The following MORN3 variants were observed in gnomAD, a reference collection of about 807,000 sequenced individuals.
The protein encoded by MORN3 is MORN repeat containing 3.
Under a neutral mutation model 34.7 loss-of-function variants are expected in MORN3, and 38 were observed. The observed-to-expected ratio is 1.10, with a 90% CI of 0.85 to 1.44. The LOEUF is 1.44. Ranked by LOEUF, MORN3 falls within the 40% of genes most tolerant of loss-of-function variation. The probability of loss-of-function intolerance (pLI) is 0.00; values close to 1 mark genes in which losing one functional copy is unlikely to be tolerated. For missense variants in MORN3, 311 were observed against 321.7 expected (o/e 0.97, Z 0.25); for synonymous variants, 109 against 115.3 (o/e 0.95, Z 0.35).
At chr12:121,670,956 C>A (rs1333878826), upstream of MORN3, among the ~76,000 whole-genome samples, 1 of 149,842 alleles carries the variant, frequency 6.7e-6, no homozygotes, top group East Asian at 2.0e-4. Context: ...ACTAAAAATA[C>A]AAAAATTAGC....
intron 1 of MORN3, among the ~76,000 whole-genome samples, chr12:121,666,901 C>A (rs1233513512): frequency 1.3e-5 from 2 of 151,238 alleles, no homozygotes; most frequent in African/African-American, 4.9e-5. Flanking sequence ...CTTACCATGG[C>A]TGACAGGGTC....
chr12:121,655,098 C>T (rs1194372495), intron 2 of MORN3, among the ~76,000 whole-genome samples: 1 of 151,636 alleles, frequency 6.6e-6, no homozygotes, highest in Non-Finnish European at 1.5e-5. Flanking sequence ...GGCTCACCGG[C>T]TCACTTTAGG....
At chr12:121,664,690 G>GTGATTGGCTAGCCAATACAT (rs1028600451) in intron 1 of MORN3, among the ~76,000 whole-genome samples, 3 of 152,034 alleles carry the variant, frequency 2.0e-5, no homozygotes, top group Admixed American at 1.3e-4. Context: ...GAGCAACAGA[G>GTGATTGGCTAGCCAATACAT]TGATTGGCTA....
intron 1 of MORN3, among the ~76,000 whole-genome samples, chr12:121,660,445 G>T (rs1251067521): frequency 7.2e-6 from 1 of 138,796 alleles, no homozygotes; most frequent in Non-Finnish European, 1.5e-5. Flanking sequence ...TCCGCCTCCT[G>T]GTTCAAGAGA....
At position 121,651,940 on chromosome 12, in the gene MORN3, A is replaced by ATTTG. The variant is rs781837028; in HGVS notation, c.*7-300_*7-297dup. 1.1e-3 allele frequency among the ~76,000 whole-genome samples: 161 copies of ATTTG among 151,728 alleles called. 1 individual carries two copies. In the East Asian group the frequency reaches 0.029, roughly 27 times the overall value. On this transcript the variant is annotated intron_variant, in intron 5 of 5. Transcript: ENST00000355329. ...AGTGAAATGGTTTGTTTGTTTGTTTATTTGTTTGTTTGTTTGTTTTTTGAG... is the reference window on the plus strand; with the variant it reads ...AGTGAAATGGTTTGTTTGTTTGTTTATTTGTTTGTTTGTTTGTTTGTTTTTTGAG...
At chr12:121,671,139 GGC>G (rs1893954889), upstream of MORN3, among the ~76,000 whole-genome samples, 1 of 149,534 alleles carries the variant, frequency 6.7e-6, no homozygotes, top group South Asian at 2.1e-4. Context: ...TGGGCGCGGT[GGC>G]TCACGCCTGT....
intron 2 of MORN3, among the ~76,000 whole-genome samples, chr12:121,657,321 T>C (rs2136871164): frequency 6.6e-6 from 1 of 152,328 alleles, no homozygotes; most frequent in South Asian, 2.1e-4. Context: ...AAACTGCTCC[T>C]AAGATCAATG....
chr12:121,656,986 C>T (rs886330939), intron 2 of MORN3, among the ~76,000 whole-genome samples: 3 of 152,168 alleles, frequency 2.0e-5, no homozygotes, highest in Non-Finnish European at 4.4e-5. Context: ...CTGGGCTCTA[C>T]CACTTGCTAG....
chr12:121,670,709 T>C (rs1232321171), upstream of MORN3, among the ~76,000 whole-genome samples: 1 of 151,878 alleles, frequency 6.6e-6, no homozygotes, highest in Non-Finnish European at 1.5e-5. Flanking sequence ...CTCAGGAGGC[T>C]GAGGCATGAG....
intron 1 of MORN3, among the ~76,000 whole-genome samples, chr12:121,665,541 G>T (rs1893726186): frequency 6.6e-6 from 1 of 151,266 alleles, no homozygotes; most frequent in African/African-American, 2.4e-5. Context: ...GCTGAGGCGG[G>T]CGGATCACGA....
chr12:121,671,441 C>T (rs528364086), upstream of MORN3, among the ~76,000 whole-genome samples: 32 of 150,618 alleles, frequency 2.1e-4, no homozygotes, highest in African/African-American at 7.6e-4. Context: ...GGAGACTTTA[C>T]GTATCATTAT....
chr12:121,663,379 G>T (rs1004767574), intron 1 of MORN3, among the ~76,000 whole-genome samples: 6 of 151,966 alleles, frequency 3.9e-5, no homozygotes, highest in African/African-American at 1.5e-4. Flanking sequence ...TGTATTTTTA[G>T]TAGAGACGGT....
At chr12:121,659,471 A>C (rs904810584) in intron 1 of MORN3, 123 bp from the exon 2 acceptor site, 1 of 895,612 alleles carries the variant, frequency 1.1e-6, no homozygotes, top group African/African-American at 1.7e-5. Context: ...GGCTCTGCGC[A>C]TCATCCTAGA....
At chr12:121,661,153 C>CTGG (rs1893570735) in intron 1 of MORN3, among the ~76,000 whole-genome samples, 1 of 151,990 alleles carries the variant, frequency 6.6e-6, no homozygotes, top group Non-Finnish European at 1.5e-5. Flanking sequence ...GAGGCAGAGT[C>CTGG]TCTCTATGTT....
chr12:121,652,985 G>T, intron 4 of MORN3, 90 bp downstream of exon 4: 1 of 1,474,160 alleles, frequency 6.8e-7, no homozygotes, highest in Non-Finnish European at 9.2e-7. Flanking sequence ...GCTTGGCTGG[G>T]CCTGGCAGAT....
chr12:121,654,510 C>T (rs1893359752), intron 2 of MORN3, 77 bp from the exon 3 acceptor site: 3 of 1,459,104 alleles, frequency 2.1e-6, no homozygotes, highest in Middle Eastern at 1.8e-4. Context: ...CCAGGCACCC[C>T]TAGAGCCACA....
intron 2 of MORN3, 32 bp from the exon 3 acceptor site, chr12:121,654,465 G>A: frequency 1.9e-6 from 3 of 1,538,770 alleles, no homozygotes; most frequent in Non-Finnish European, 1.8e-6. Flanking sequence ...TACTCAGGGC[G>A]CCCCCCAACA....
intron 1 of MORN3, among the ~76,000 whole-genome samples, chr12:121,663,003 C>T (rs553723913): frequency 6.6e-6 from 1 of 151,496 alleles, no homozygotes; most frequent in Non-Finnish European, 1.5e-5. Flanking sequence ...CAAAACAAAA[C>T]AAAAACAAAG....
Position 121,659,218 on chromosome 12 carries a change from T to A in MORN3, c.276A>T (p.Ser92=), listed in dbSNP as rs1893507250. 2.5e-6 allele frequency: 4 copies of A among 1,613,790 alleles called. No individual in the cohort carries two copies. The highest frequency in any genetic ancestry group is 3.4e-6 in the Non-Finnish European group (4 of 1,179,872). ...QQTGKCRRVY[S]GWWKGDKKSG... ...ATTTCTTATCACCTTTCCACCAGCC[T>A]GAGTAGACTCTCCTGCACTTTCCTG... is the stretch of plus-strand genomic sequence containing the variant. Residue 92 remains serine (S), a synonymous_variant, in exon 2 of 6, where the codon TCA becomes TCT. Coordinates refer to ENST00000355329, the MANE Select transcript of MORN3 (RefSeq NM_173855.5).
Sources: gnomAD v4.1 joint callset for allele counts (sites outside exome capture counted in the v4.1 genomes callset) on GRCh38, gnomAD v4.1.1 for gene constraint, MANE v1.5 for transcripts, NCBI Gene and HGNC (gene_info 2026-07-23, HGNC 2026-07-21) for gene names.